CELF5: variants seen among roughly 807,000 people sequenced by gnomAD.
The protein encoded by CELF5 is CUGBP Elav-like family member 5.
In CELF5, 6 loss-of-function variants were observed where a neutral mutation model predicts 54.9. The ratio of observed to expected loss-of-function variants is 0.11; its 90% CI spans 0.06 to 0.22. The LOEUF is 0.22. CELF5 is among the 10% of genes least tolerant of loss of function. CELF5 has a pLI of 1.00. For missense variants in CELF5, 401 were observed against 678.6 expected, an observed-to-expected ratio of 0.59 and a Z score of 4.54; for synonymous variants, 271 against 290.9, an observed-to-expected ratio of 0.93 and a Z score of 0.70.
At position 3,275,774 on chromosome 19, in the gene CELF5, C is replaced by A; in HGVS notation, c.395-82C>A. ...CCGCGTCTTCCTGCCCTGCCGCCTC[C>A]ACTCTGCTGGAGGGAGGGAGGAATC... On this transcript the variant is annotated intron_variant, in intron 3 of 12. Transcript: ENST00000292672. The surrounding 1 kb of genome is among the most constrained non-coding windows in gnomAD (Gnocchi z 6.7). 1 of 1,460,438 alleles carries A rather than the reference C, an allele frequency of 6.8e-7. No homozygotes were observed. 90.5% of individuals were successfully genotyped at this position (1,460,438 alleles called of 1,614,324 possible).
intron 10 of CELF5, 147 bp downstream of exon 10, chr19:3,286,172 G>A: frequency 3.3e-6 from 2 of 599,854 alleles, no homozygotes; most frequent in Non-Finnish European, 5.4e-6. Context: ...TTGAGTCCCG[G>A]TGCAGCCGCT....
intron 10 of CELF5, chr19:3,286,918 C>T (rs2080258936): frequency 6.6e-6 from 1 of 151,130 alleles, no homozygotes; most frequent in Admixed American, 6.6e-5. Context: ...GCCTGTGGTC[C>T]CAGCTACTCG....
intron 8 of CELF5, among the ~76,000 whole-genome samples, chr19:3,283,417 C>T (rs1158631905): frequency 1.3e-5 from 2 of 152,104 alleles, no homozygotes; most frequent in African/African-American, 4.8e-5. Context: ...GTGGTGTCGT[C>T]GCAGCTCACT....
intron 2 of CELF5, among the ~76,000 whole-genome samples, chr19:3,271,356 A>C (rs1199385161): frequency 6.6e-6 from 1 of 151,828 alleles, no homozygotes; most frequent in East Asian, 1.9e-4. Flanking sequence ...ACCCAGGTGG[A>C]AAGGGCCCCG....
At chr19:3,264,638 G>A (rs1050436461) in intron 2 of CELF5, among the ~76,000 whole-genome samples, 3 of 151,104 alleles carry the variant, frequency 2.0e-5, no homozygotes, top group Non-Finnish European at 4.4e-5. Flanking sequence ...GGATGGTCTC[G>A]AGCTCCTGAC....
intron 1 of CELF5, among the ~76,000 whole-genome samples, chr19:3,233,014 T>C (rs554747565): frequency 2.3e-4 from 34 of 151,032 alleles, no homozygotes; most frequent in African/African-American, 8.0e-4. Flanking sequence ...GCAGAGGTTG[T>C]GGTGAGCTGA....
rs538279531 is a variant in CELF5, at chr19:3,296,763, C to T, written c.*46C>T. On this transcript the variant is annotated 3_prime_UTR_variant, in exon 13 of 13. Transcript: ENST00000292672. ...TTTTATACTCCACATCGCAGACCTG[C>T]GTGATTTGTACAATGTACTTTATTT... is the stretch of plus-strand genomic sequence containing the variant. The T allele has an allele frequency of 6.6e-6, 1 of 152,156 alleles. No individual in the cohort carries two copies. Among genetic ancestry groups the T allele is most frequent in the African/African-American group, 2.4e-5 (1 of 41,438 alleles). 9.4% of individuals were successfully genotyped at this position (152,156 alleles called of 1,614,324 possible).
chr19:3,275,678 C>A lies in CELF5; in HGVS notation c.395-178C>A, dbSNP rs929515165. 6.6e-6 allele frequency among the ~76,000 whole-genome samples: 1 copy of A among 151,680 alleles called. No homozygotes were observed. Among genetic ancestry groups the A allele is most frequent in the Non-Finnish European group, 1.5e-5 (1 of 67,830 alleles). ...AGGGCCCGTGGGAGGGTGGAGAGAT[C>A]CGGGGCAGGGAAAGGGCGCGGCTGG... On this transcript the variant is annotated intron_variant, in intron 3 of 12. Transcript: ENST00000292672. This position sits in a 1 kb window ranked among gnomAD's most constrained non-coding sequence, Gnocchi z 6.7.
intron 10 of CELF5, 73 bp from the exon 11 acceptor site, chr19:3,290,158 C>T (rs2080319560): frequency 4.9e-6 from 6 of 1,219,878 alleles, no homozygotes; most frequent in Non-Finnish European, 7.2e-6. Flanking sequence ...GGGCTCCAGA[C>T]CTGTGCCCCT....
Position 3,282,002 on chromosome 19 carries a change from TC to T in CELF5, c.751-123del. On this transcript the variant is annotated intron_variant, in intron 6 of 12. Transcript: ENST00000292672. The surrounding 1 kb of genome is among the most constrained non-coding windows in gnomAD (Gnocchi z 5.2). ...ATCCCAGTCTGAGCTCCAATTCTGA[TC>T]TCAGCCTGAGCCAAGATACCCAGCC... 1.9e-6 allele frequency: 2 copies of T among 1,064,482 alleles called. No individual in the cohort carries two copies. Among genetic ancestry groups the T allele is most frequent in the South Asian group, 2.8e-5 (2 of 71,404 alleles). 65.9% of individuals were successfully genotyped at this position (1,064,482 alleles called of 1,614,324 possible). A position where few individuals can be genotyped will look rare whatever the true frequency, so the allele number is the denominator to read the frequency against.
At chr19:3,274,991 T>C (rs916039490) in intron 3 of CELF5, among the ~76,000 whole-genome samples, 1 of 152,006 alleles carries the variant, frequency 6.6e-6, no homozygotes, top group Admixed American at 6.6e-5. Context: ...TCTCTCACAG[T>C]CTCTTTCGCG....
chr19:3,291,677 C>T (rs1002267802), intron 11 of CELF5, among the ~76,000 whole-genome samples: 4 of 151,146 alleles, frequency 2.6e-5, no homozygotes, highest in African/African-American at 7.3e-5. Context: ...GCAAAGACCC[C>T]GAGGCAGGAC....
At chr19:3,250,246 C>T (rs190543068) in intron 1 of CELF5, among the ~76,000 whole-genome samples, 229 of 152,264 alleles carry the variant, frequency 1.5e-3, no homozygotes, top group Non-Finnish European at 2.5e-3. Context: ...CCCAGCACTT[C>T]GGGAGGCCGA....
Position 3,285,957 on chromosome 19 carries a change from C to G in CELF5, c.1118C>G (p.Ala373Gly). The G allele has an allele frequency of 4.4e-6, 7 of 1,588,366 alleles. No individual in the cohort carries two copies. Among genetic ancestry groups the G allele is most frequent in the Non-Finnish European group, 6.0e-6 (7 of 1,173,212 alleles). The stretch of plus-strand genomic sequence containing the variant: ...GTCTCCGCAGCCATGTACCCCACCG[C>G]GGCCATCACGCCCATCGCGCACAGC... The part of the protein sequence containing the change: ...VQQYTAMYPT[A>G]AITPIAHSVP... Residue 373 changes from alanine to glycine, a missense_variant, in exon 10 of 13, where the codon GCG (alanine) becomes GGG (glycine). Transcript: ENST00000292672.
At position 3,224,680 on chromosome 19, in the gene CELF5, C is replaced by A; in HGVS notation, c.-60C>A. Reference sequence around the variant, plus strand: ...GGAGGCGGGAGGCGCGGCCGCCGCTCCAGCTGCGAGTCCGCCCGCCGCCCG... The same window carrying A: ...GGAGGCGGGAGGCGCGGCCGCCGCTACAGCTGCGAGTCCGCCCGCCGCCCG... On this transcript the variant is annotated 5_prime_UTR_variant, in exon 1 of 13. Transcript: ENST00000292672. 1.0e-6 allele frequency: 1 copy of A among 988,510 alleles called. No individual in the cohort carries two copies. The highest frequency in any genetic ancestry group is 1.2e-6 in the Non-Finnish European group (1 of 833,060). The allele number at this position is 988,510 out of a possible 1,614,324, so 61.2% of individuals were successfully genotyped here.
chr19:3,226,872 C>T (rs1207462567), intron 1 of CELF5, among the ~76,000 whole-genome samples: 1 of 151,944 alleles, frequency 6.6e-6, no homozygotes, highest in Non-Finnish European at 1.5e-5. Flanking sequence ...TGGCCCTGAG[C>T]CTCAGTTTCC....
intron 2 of CELF5, among the ~76,000 whole-genome samples, chr19:3,263,673 G>A (rs560021350): frequency 2.4e-4 from 37 of 152,316 alleles, no homozygotes; most frequent in Admixed American, 2.0e-3. Context: ...GGGAGGCTGA[G>A]GCGGGTGGAT....
At chr19:3,287,076 A>G (rs2145296563) in intron 10 of CELF5, among the ~76,000 whole-genome samples, 1 of 150,844 alleles carries the variant, frequency 6.6e-6, no homozygotes, top group Middle Eastern at 3.4e-3. Context: ...AAAAAATCCC[A>G]AGCTGGTAAC....
intron 2 of CELF5, among the ~76,000 whole-genome samples, chr19:3,265,798 CTTTTTCTTTTT>C (rs1302193798): frequency 6.6e-6 from 1 of 152,058 alleles, no homozygotes; most frequent in Non-Finnish European, 1.5e-5. Flanking sequence ...CTTTTCTTTT[CTTTTTCTTTTT>C]TTCTTTCTTT....
Sources: gnomAD v4.1 joint callset for allele counts (sites outside exome capture counted in the v4.1 genomes callset) on GRCh38, gnomAD v4.1.1 for gene constraint, Gnocchi (gnomAD v3.1) non-coding constraint, MANE v1.5 for transcripts, NCBI Gene and HGNC (gene_info 2026-07-23, HGNC 2026-07-21) for gene names.